Variants in NUDC observed in about 807,000 individuals in gnomAD.
NUDC encodes nuclear migration protein nudC.
Under a neutral mutation model 45.0 loss-of-function variants are expected in NUDC, and 14 were observed. The ratio of observed to expected loss-of-function variants is 0.31; its 90% CI spans 0.21 to 0.49. NUDC has a LOEUF of 0.49. Ranked by LOEUF, NUDC falls within the 20% of genes least tolerant of loss-of-function variation. The pLI is 0.99. For synonymous variants in NUDC, 153 were observed against 156.7 expected, an observed-to-expected ratio of 0.98 and a Z score of 0.17; for missense variants, 323 against 426.2, an observed-to-expected ratio of 0.76 and a Z score of 2.13.
chr1:26,930,192 G>C (rs1229622963), intron 2 of NUDC, among the ~76,000 whole-genome samples: 2 of 152,100 alleles, frequency 1.3e-5, no homozygotes, highest in East Asian at 1.9e-4. Flanking sequence ...TTTGAGACAG[G>C]GTCTCGCTCT....
intron 2 of NUDC, among the ~76,000 whole-genome samples, chr1:26,905,163 T>TA (rs1386288153): frequency 3.5e-4 from 46 of 129,586 alleles, no homozygotes; most frequent in South Asian, 7.4e-4. Context: ...TATTATTTTT[T>TA]TTTTTTTTTT....
chr1:26,924,215 G>GA, intron 2 of NUDC, 49 bp downstream of exon 2: 1 of 1,529,456 alleles, frequency 6.5e-7, no homozygotes, highest in Non-Finnish European at 9.1e-7. Flanking sequence ...CTCTTCAGAA[G>GA]AAAAGCTCAC....
chr1:26,909,607 AGGCAGAAACTGGTAG>A (rs1459563205), intron 2 of NUDC, among the ~76,000 whole-genome samples: 1 of 152,214 alleles, frequency 6.6e-6, no homozygotes, highest in Non-Finnish European at 1.5e-5. Flanking sequence ...TAACTAATAG[AGGCAGAAACTGGTAG>A]GGCATAAAAG....
At chr1:26,910,595 T>G (rs2082021575) in intron 2 of NUDC, among the ~76,000 whole-genome samples, 1 of 152,122 alleles carries the variant, frequency 6.6e-6, no homozygotes, top group Non-Finnish European at 1.5e-5. Context: ...ATCCAAACTG[T>G]TATGGTGAAG....
upstream of NUDC, among the ~76,000 whole-genome samples, chr1:26,920,839 G>T (rs1016682262): frequency 7.2e-5 from 11 of 152,148 alleles, no homozygotes; most frequent in Non-Finnish European, 1.5e-4. Context: ...TCTGGAGGCT[G>T]AAGTGGGGAA....
chr1:26,918,667 C>A (rs2082074435), upstream of NUDC, among the ~76,000 whole-genome samples: 1 of 151,922 alleles, frequency 6.6e-6, no homozygotes, highest in Non-Finnish European at 1.5e-5. Flanking sequence ...TTCCACCTCC[C>A]AGATTCAAGA....
intron 2 of NUDC, among the ~76,000 whole-genome samples, chr1:26,939,029 C>G (rs1050564310): frequency 6.6e-6 from 1 of 152,162 alleles, no homozygotes; most frequent in African/African-American, 2.4e-5. Context: ...GAGACAGGGT[C>G]TCCCTCTGTT....
At chr1:26,932,646 AG>A (rs2082193158) in intron 2 of NUDC, among the ~76,000 whole-genome samples, 1 of 152,104 alleles carries the variant, frequency 6.6e-6, no homozygotes, top group African/African-American at 2.4e-5. Context: ...TTAAGTGTAC[AG>A]TTCAGTAGTG....
At chr1:26,904,993 C>A (rs1407474356) in intron 2 of NUDC, among the ~76,000 whole-genome samples, 1 of 150,540 alleles carries the variant, frequency 6.6e-6, no homozygotes, top group African/African-American at 2.4e-5. Context: ...TGCGCCACCA[C>A]GCCCGGCTAA....
At chr1:26,920,045 G>A (rs760320516), upstream of NUDC, among the ~76,000 whole-genome samples, 2 of 152,030 alleles carry the variant, frequency 1.3e-5, no homozygotes, top group Non-Finnish European at 2.9e-5. Context: ...TGGGGAACAC[G>A]CAATTCCAAC....
At chr1:26,933,455 C>A (rs190391445) in intron 2 of NUDC, among the ~76,000 whole-genome samples, 5 of 151,864 alleles carry the variant, frequency 3.3e-5, no homozygotes, top group African/African-American at 4.8e-5. Context: ...CTCTTGTTGC[C>A]CAGGCTGGAG....
exon 1 of NUDC, chr1:26,900,264 G>A (rs2081969718): frequency 6.2e-7 from 1 of 1,614,070 alleles, no homozygotes; most frequent in Non-Finnish European, 8.5e-7. Flanking sequence ...GTTAGGAGCG[G>A]CCTGCGGAGG....
intron 2 of NUDC, among the ~76,000 whole-genome samples, chr1:26,937,702 G>A (rs945983685): frequency 6.6e-6 from 1 of 151,290 alleles, no homozygotes; most frequent in Non-Finnish European, 1.5e-5. Flanking sequence ...ACCCAGGCTG[G>A]GGTGCAGTGA....
intron 2 of NUDC, among the ~76,000 whole-genome samples, chr1:26,937,353 C>T (rs1484391823): frequency 6.6e-6 from 1 of 152,078 alleles, no homozygotes; most frequent in Admixed American, 6.6e-5. Context: ...ACCTTCAGTT[C>T]ACAGCAACCT....
intron 3 of NUDC, chr1:26,913,601 C>T (rs779227104): frequency 6.2e-7 from 1 of 1,614,074 alleles, no homozygotes; most frequent in Non-Finnish European, 8.5e-7. Context: ...ATGCTGGGCA[C>T]CGGGGCCTCA....
At chr1:26,941,386 T>A (rs2082274768) in intron 2 of NUDC, 71 bp from the exon 3 acceptor site, 2 of 1,520,916 alleles carry the variant, frequency 1.3e-6, no homozygotes, top group Admixed American at 3.7e-5. Context: ...AGGTAGAGAG[T>A]GGGGCTGGAC....
chr1:26,927,294 T>TGTGTGTGC (rs2082141580), intron 2 of NUDC, among the ~76,000 whole-genome samples: 1 of 151,454 alleles, frequency 6.6e-6, no homozygotes, highest in East Asian at 1.9e-4. Flanking sequence ...TGTGTGTGTG[T>TGTGTGTGC]GTGTGTGTGT....
intron 2 of NUDC, among the ~76,000 whole-genome samples, chr1:26,927,715 A>G (rs1204147842): frequency 6.6e-6 from 1 of 151,904 alleles, no homozygotes; most frequent in African/African-American, 2.4e-5. Flanking sequence ...TCTTAACTGT[A>G]AGAGGGAGCA....
chr1:26,919,135 G>T (rs939378994), upstream of NUDC, among the ~76,000 whole-genome samples: 10 of 150,880 alleles, frequency 6.6e-5, no homozygotes, highest in African/African-American at 2.4e-4. Context: ...CCACGCTGAA[G>T]TGCAGTGGCG....
Sources: allele counts gnomAD v4.1 joint callset (sites outside exome capture counted in the v4.1 genomes callset), GRCh38; gene constraint gnomAD v4.1.1; transcripts MANE v1.5; gene names NCBI Gene and HGNC (gene_info 2026-07-23, HGNC 2026-07-21).